The following EYA1 variants were observed in gnomAD, a reference collection of about 807,000 sequenced individuals.
The protein encoded by EYA1 is protein phosphatase EYA1.
A neutral mutation model predicts 82.0 loss-of-function variants in EYA1; 16 were observed. The ratio of observed to expected loss-of-function variants is 0.20; its 90% CI spans 0.13 to 0.30. EYA1 has a LOEUF of 0.30. Among genes scored for constraint, EYA1 ranks in the 10% least tolerant of loss-of-function variants. The probability of loss-of-function intolerance (pLI) is 1.00; values close to 1 mark genes in which losing one functional copy is unlikely to be tolerated. For synonymous variants in EYA1, 261 were observed against 264.4 expected, an observed-to-expected ratio of 0.99 and a Z score of 0.12; for missense variants, 633 against 730.7, an observed-to-expected ratio of 0.87 and a Z score of 1.54.
chr8:71,531,205 G>C (rs1814245120), intron 2 of EYA1: 1 of 151,982 alleles, frequency 6.6e-6, no homozygotes, highest in African/African-American at 2.4e-5. Flanking sequence ...AAGTGAATTA[G>C]AGTTATGTTG....
chr8:71,396,714 T>C (rs757069179), intron 2 of EYA1, among the ~76,000 whole-genome samples: 3 of 152,182 alleles, frequency 2.0e-5, no homozygotes, highest in Non-Finnish European at 2.9e-5. Context: ...CTTCCAACTA[T>C]GTGGTCAATT....
At chr8:71,300,480 A>G (rs557083288) in intron 7 of EYA1, among the ~76,000 whole-genome samples, 203 of 152,294 alleles carry the variant, frequency 1.3e-3, no homozygotes, top group African/African-American at 4.6e-3. Context: ...AGAAGGTAAG[A>G]TCAGGGATTG....
At chr8:71,332,431 T>C (rs1823988387) in intron 4 of EYA1, among the ~76,000 whole-genome samples, 1 of 152,120 alleles carries the variant, frequency 6.6e-6, no homozygotes, top group Non-Finnish European at 1.5e-5. Context: ...GCTCTTAACT[T>C]CTTTCTCTGC....
chr8:71,262,875 T>C (rs1180747096), intron 11 of EYA1, among the ~76,000 whole-genome samples: 2 of 152,212 alleles, frequency 1.3e-5, no homozygotes, highest in Non-Finnish European at 2.9e-5. Context: ...CTCTACAGCA[T>C]AAAGAGGTTT....
At chr8:71,372,900 G>A (rs913629151) in intron 2 of EYA1, among the ~76,000 whole-genome samples, 7 of 152,006 alleles carry the variant, frequency 4.6e-5, no homozygotes, top group Non-Finnish European at 1.5e-5. Flanking sequence ...ACCTCAACAG[G>A]TGCAAGAATG....
chr8:71,282,899 T>C (rs1354843900), intron 9 of EYA1, among the ~76,000 whole-genome samples: 1 of 151,980 alleles, frequency 6.6e-6, no homozygotes, highest in African/African-American at 2.4e-5. Context: ...AAACTTCACA[T>C]GTGCTAAGCA....
At chr8:71,541,211 T>C (rs1815112212) in intron 1 of EYA1, among the ~76,000 whole-genome samples, 2 of 152,222 alleles carry the variant, frequency 1.3e-5, no homozygotes, top group Admixed American at 6.5e-5. Flanking sequence ...TCCCAACCAC[T>C]GAAGATGTTA....
chr8:71,370,149 C>A (rs953801691), intron 2 of EYA1, among the ~76,000 whole-genome samples: 1 of 151,818 alleles, frequency 6.6e-6, no homozygotes, highest in East Asian at 1.9e-4. Flanking sequence ...CCAAAATAAA[C>A]AGAAAAATTA....
chr8:71,389,981 T>A (rs1829183620), intron 2 of EYA1, among the ~76,000 whole-genome samples: 1 of 152,222 alleles, frequency 6.6e-6, no homozygotes, highest in Non-Finnish European at 1.5e-5. Context: ...ATTGAATTTA[T>A]CATTTAAATG....
chr8:71,392,594 G>A (rs543806885), intron 2 of EYA1, among the ~76,000 whole-genome samples: 2 of 152,236 alleles, frequency 1.3e-5, no homozygotes, highest in Admixed American at 6.5e-5. Context: ...GCTGTCACTG[G>A]AAATTTTAGT....
intron 7 of EYA1, among the ~76,000 whole-genome samples, chr8:71,307,328 A>C (rs1192648622): frequency 1.3e-5 from 2 of 152,044 alleles, no homozygotes; most frequent in Non-Finnish European, 2.9e-5. Context: ...TTTTAGAGAC[A>C]ATGTCTCACT....
intron 2 of EYA1, among the ~76,000 whole-genome samples, chr8:71,515,451 G>A (rs1157032634): frequency 6.6e-6 from 1 of 151,780 alleles, no homozygotes; most frequent in Non-Finnish European, 1.5e-5. Flanking sequence ...TTAACCACAA[G>A]CTCAAAATCA....
At chr8:71,220,975 G>C (rs779947561) in intron 12 of EYA1, among the ~76,000 whole-genome samples, 5 of 152,210 alleles carry the variant, frequency 3.3e-5, no homozygotes, top group Admixed American at 2.0e-4. Flanking sequence ...CATGGTTATG[G>C]GGGAAAGAGA....
chr8:71,474,212 A>AG (rs1037197605), intron 2 of EYA1, among the ~76,000 whole-genome samples: 1 of 151,118 alleles, frequency 6.6e-6, no homozygotes, highest in African/African-American at 2.5e-5. Flanking sequence ...AAAAAAAAAA[A>AG]AAGAAGATGA....
chr8:71,453,881 G>C (rs180897143), intron 2 of EYA1, among the ~76,000 whole-genome samples: 145 of 152,226 alleles, frequency 9.5e-4, no homozygotes, highest in Middle Eastern at 3.4e-3. Flanking sequence ...AAAATAACCA[G>C]CTAACATCAT....
chr8:71,378,234 A>C (rs565083867), intron 2 of EYA1, among the ~76,000 whole-genome samples: 33 of 151,950 alleles, frequency 2.2e-4, no homozygotes, highest in Middle Eastern at 3.4e-3. Flanking sequence ...TTAGGCTTGC[A>C]GGGAGGCTAA....
At chr8:71,486,531 C>A (rs1395417122) in intron 2 of EYA1, among the ~76,000 whole-genome samples, 4 of 152,162 alleles carry the variant, frequency 2.6e-5, no homozygotes, top group Non-Finnish European at 5.9e-5. Context: ...CATATCTATA[C>A]CTGCCAGGTG....
At chr8:71,209,435 TG>T (rs1207545067) in intron 17 of EYA1, among the ~76,000 whole-genome samples, 1 of 152,172 alleles carries the variant, frequency 6.6e-6, no homozygotes, top group African/African-American at 2.4e-5. Flanking sequence ...AAGTCACGTG[TG>T]GGTTTCTACC....
At chr8:71,304,906 C>T (rs1189816936) in intron 7 of EYA1, among the ~76,000 whole-genome samples, 1 of 142,810 alleles carries the variant, frequency 7.0e-6, no homozygotes, top group Non-Finnish European at 1.6e-5. Flanking sequence ...AACAACAATG[C>T]TCATGCTCCC....
Sources: gnomAD v4.1 joint callset for allele counts (sites outside exome capture counted in the v4.1 genomes callset) on GRCh38, gnomAD v4.1.1 for gene constraint, MANE v1.5 for transcripts, NCBI Gene and HGNC (gene_info 2026-07-23, HGNC 2026-07-21) for gene names.